The following SLC24A2 variants were observed in gnomAD, a reference collection of about 807,000 sequenced individuals.
SLC24A2 encodes the protein sodium/potassium/calcium exchanger 2.
SLC24A2 carries 36 observed loss-of-function variants against 62.0 expected under a neutral mutation model. The ratio of observed to expected loss-of-function variants is 0.58; its 90% CI spans 0.44 to 0.77. The LOEUF is 0.77. Ranked by LOEUF, SLC24A2 falls within the 30% of genes least tolerant of loss-of-function variation. The pLI is 0.00. For missense variants in SLC24A2, 846 were observed against 817.9 expected, an observed-to-expected ratio of 1.03 and a Z score of -0.42; for synonymous variants, 358 against 294.0, an observed-to-expected ratio of 1.22 and a Z score of -2.23.
intron 2 of SLC24A2, among the ~76,000 whole-genome samples, chr9:19,783,110 T>A (rs911600652): frequency 7.9e-5 from 12 of 152,210 alleles, no homozygotes; most frequent in African/African-American, 2.9e-4. Context: ...TGCTTCACAG[T>A]TACCCTATGA....
At chr9:20,110,383 AG>A in the SLC24A2 span, among the ~76,000 whole-genome samples, 2 of 152,154 alleles carry the variant, frequency 1.3e-5, no homozygotes, top group Non-Finnish European at 2.9e-5. Flanking sequence ...ACAGTCTAAA[AG>A]CTTCTGTAAA....
the SLC24A2 span, among the ~76,000 whole-genome samples, chr9:20,267,513 A>C: frequency 6.6e-6 from 1 of 151,898 alleles, no homozygotes; most frequent in Non-Finnish European, 1.5e-5. Flanking sequence ...GAAGAATAAC[A>C]CTCTGAAAAA....
At chr9:20,032,463 T>C in the SLC24A2 span, among the ~76,000 whole-genome samples, 1 of 152,212 alleles carries the variant, frequency 6.6e-6, no homozygotes, top group Non-Finnish European at 1.5e-5. Flanking sequence ...TTTTGTGTTT[T>C]AGTATGGGAC....
chr9:20,288,718 A>T, the SLC24A2 span, among the ~76,000 whole-genome samples: 1 of 149,576 alleles, frequency 6.7e-6, no homozygotes, highest in Non-Finnish European at 1.5e-5. Flanking sequence ...AGATTGTGCC[A>T]CTGATGGAGT....
the SLC24A2 span, among the ~76,000 whole-genome samples, chr9:19,832,173 G>T: frequency 6.6e-6 from 1 of 152,204 alleles, no homozygotes; most frequent in South Asian, 2.1e-4. Flanking sequence ...AGAAAGAGAA[G>T]AAATCCCAGA....
chr9:19,801,194 G>A, the SLC24A2 span, among the ~76,000 whole-genome samples: 19 of 152,202 alleles, frequency 1.2e-4, no homozygotes, highest in Non-Finnish European at 2.5e-4. Flanking sequence ...TGGGCCATGC[G>A]GTGAGTGTTT....
At chr9:20,094,915 T>C in the SLC24A2 span, among the ~76,000 whole-genome samples, 1 of 152,208 alleles carries the variant, frequency 6.6e-6, no homozygotes, top group Non-Finnish European at 1.5e-5. Flanking sequence ...AATTAACCTT[T>C]CAAAGTTGCC....
At chr9:19,914,858 C>T in the SLC24A2 span, among the ~76,000 whole-genome samples, 2 of 151,940 alleles carry the variant, frequency 1.3e-5, no homozygotes, top group Non-Finnish European at 2.9e-5. Flanking sequence ...AGAATCTGGC[C>T]ACATAAAAGA....
At chr9:20,099,167 T>C in the SLC24A2 span, among the ~76,000 whole-genome samples, 37 of 152,328 alleles carry the variant, frequency 2.4e-4, no homozygotes, top group South Asian at 6.2e-4. Flanking sequence ...CCAAGGGAGA[T>C]TGTATAGCTT....
chr9:19,806,057 A>G, the SLC24A2 span, among the ~76,000 whole-genome samples: 1 of 152,192 alleles, frequency 6.6e-6, no homozygotes, highest in Non-Finnish European at 1.5e-5. Context: ...ATAAAATTAG[A>G]ATAGGCATAA....
the SLC24A2 span, among the ~76,000 whole-genome samples, chr9:20,284,163 A>T: frequency 3.9e-5 from 6 of 152,226 alleles, no homozygotes; most frequent in Non-Finnish European, 8.8e-5. Context: ...TGCCCCACTC[A>T]TGCCTAACTA....
the SLC24A2 span, among the ~76,000 whole-genome samples, chr9:20,016,139 C>A: frequency 3.3e-5 from 5 of 152,248 alleles, no homozygotes; most frequent in African/African-American, 1.2e-4. Flanking sequence ...CCAAGTAGAT[C>A]ATTGTTATCT....
chr9:19,879,761 T>C, the SLC24A2 span, among the ~76,000 whole-genome samples: 1 of 152,176 alleles, frequency 6.6e-6, no homozygotes, highest in Non-Finnish European at 1.5e-5. Context: ...AATTCAAAAG[T>C]CAGCATATGG....
At chr9:19,836,319 A>G in the SLC24A2 span, among the ~76,000 whole-genome samples, 1 of 152,206 alleles carries the variant, frequency 6.6e-6, no homozygotes, top group Non-Finnish European at 1.5e-5. Flanking sequence ...AACAAAATTG[A>G]TAGACCACTA....
the SLC24A2 span, among the ~76,000 whole-genome samples, chr9:20,073,919 GATATATATATATAT>G: frequency 2.3e-4 from 32 of 140,792 alleles, no homozygotes; most frequent in African/African-American, 7.6e-4. Flanking sequence ...CTTGTGGGGA[GATATATATATATAT>G]ATATATATGT....
At chr9:20,076,855 TC>T in the SLC24A2 span, among the ~76,000 whole-genome samples, 1 of 34,326 alleles carries the variant, frequency 2.9e-5, no homozygotes, top group Non-Finnish European at 7.2e-5. Flanking sequence ...TATATACATA[TC>T]ATATGTATAT....
intron 2 of SLC24A2, among the ~76,000 whole-genome samples, chr9:19,702,194 C>G (rs1303216875): frequency 6.6e-6 from 1 of 152,178 alleles, no homozygotes; most frequent in Non-Finnish European, 1.5e-5. Context: ...ATTTGAAGGA[C>G]AGTAAACCTT....
At chr9:19,603,187 G>C (rs1354542386) in intron 4 of SLC24A2, among the ~76,000 whole-genome samples, 2 of 151,184 alleles carry the variant, frequency 1.3e-5, no homozygotes, top group Non-Finnish European at 2.9e-5. Context: ...TAGGTGGATG[G>C]GGGGTTAGGA....
At chr9:19,633,245 G>C (rs180706106) in intron 2 of SLC24A2, among the ~76,000 whole-genome samples, 27 of 152,296 alleles carry the variant, frequency 1.8e-4, no homozygotes, top group Admixed American at 1.2e-3. Flanking sequence ...CTATTGTCAC[G>C]AAAGCTGCTA....
Sources: allele counts gnomAD v4.1 joint callset (sites outside exome capture counted in the v4.1 genomes callset), GRCh38; gene constraint gnomAD v4.1.1; transcripts MANE v1.5; gene names NCBI Gene and HGNC (gene_info 2026-07-23, HGNC 2026-07-21).